POMP: variants seen among roughly 807,000 people sequenced by gnomAD.
POMP encodes proteasome maturation protein, also known as 2510048O06Rik.
In POMP, 12 loss-of-function variants were observed where a neutral mutation model predicts 20.6. That is an observed-to-expected ratio of 0.58 (90% confidence interval 0.37 to 0.94). The LOEUF is 0.94. Ranked by LOEUF, POMP falls within the 40% of genes least tolerant of loss-of-function variation. The probability of loss-of-function intolerance (pLI) is 0.01; values close to 1 mark genes in which losing one functional copy is unlikely to be tolerated. For synonymous variants in POMP, 53 were observed against 55.0 expected (o/e 0.96, Z 0.16); for missense variants, 136 against 161.1 (o/e 0.84, Z 0.84).
Position 28,678,011 on chromosome 13 carries a change from ATGTT to A in POMP, c.359-18_359-15del, listed in dbSNP as rs1454542081. 6 of 1,607,988 alleles carry A rather than the reference ATGTT, an allele frequency of 3.7e-6. No individual in the cohort carries two copies. The African/African-American group carries it at 4.0e-5, about 11-fold the overall frequency. On this transcript the variant is annotated intron_variant, in intron 5 of 5. Transcript: ENST00000380842. ...ATCTCTTTTTTGAGAGTCTTTTAAA[ATGTT>A]TGTTTTTGTTTGCTTTCAGATCCAT...
At chr13:28,671,897 A>G (rs557070196) in intron 4 of POMP, among the ~76,000 whole-genome samples, 1 of 152,274 alleles carries the variant, frequency 6.6e-6, no homozygotes, top group East Asian at 1.9e-4. Flanking sequence ...GGGCTTGGTG[A>G]CATGGACCTG....
intron 4 of POMP, among the ~76,000 whole-genome samples, chr13:28,669,873 A>G (rs1884515771): frequency 6.6e-6 from 1 of 152,144 alleles, no homozygotes; most frequent in Non-Finnish European, 1.5e-5. Context: ...TGGGAGGCCA[A>G]GGTGGGTGGA....
At chr13:28,671,481 G>A (rs1207831758) in intron 4 of POMP, among the ~76,000 whole-genome samples, 1 of 133,410 alleles carries the variant, frequency 7.5e-6, no homozygotes, top group Non-Finnish European at 1.6e-5. Context: ...CTATACTTTT[G>A]CAGTTTTGGG....
chr13:28,666,117 A>C (rs1884441305), intron 3 of POMP, among the ~76,000 whole-genome samples: 1 of 152,218 alleles, frequency 6.6e-6, no homozygotes, highest in Non-Finnish European at 1.5e-5. Flanking sequence ...AATAGACCAA[A>C]GTCTAGACCA....
chr13:28,664,907 T>G lies in POMP; in HGVS notation c.162+338T>G, dbSNP rs545161867. On this transcript the variant is annotated intron_variant, in intron 3 of 5. Transcript: ENST00000380842. ...ACTTCCAAGTTCATATCTCTAGTTTTGACCTCTTTAAGTCCTGCATCTCCG... is the reference window on the plus strand; with the variant it reads ...ACTTCCAAGTTCATATCTCTAGTTTGGACCTCTTTAAGTCCTGCATCTCCG... 2.6e-5 allele frequency among the ~76,000 whole-genome samples: 4 copies of G among 152,340 alleles called. No individual in the cohort carries two copies. The East Asian group carries it at 7.7e-4, about 29-fold the overall frequency.
rs547927337 is a variant in POMP, at chr13:28,676,218, A to G, written c.359-1817A>G. ...ATGGGGTTTCACCGTGTTAGCCAGGATGGTCTCGATCTCCTGACCTCGTGA... is the reference window on the plus strand; with the variant it reads ...ATGGGGTTTCACCGTGTTAGCCAGGGTGGTCTCGATCTCCTGACCTCGTGA... On this transcript the variant is annotated intron_variant, in intron 5 of 5. Transcript: ENST00000380842. Among the ~76,000 whole-genome samples the G allele has an allele frequency of 6.6e-5, 10 of 152,086 alleles. No individual in the cohort carries two copies. In the East Asian group the frequency reaches 1.4e-3, roughly 21 times the overall value.
intron 5 of POMP, among the ~76,000 whole-genome samples, chr13:28,673,962 G>T (rs1279816531): frequency 6.6e-6 from 1 of 152,190 alleles, no homozygotes; most frequent in Non-Finnish European, 1.5e-5. Flanking sequence ...GAATAAAAAG[G>T]ATGTTTTTGG....
intron 5 of POMP, among the ~76,000 whole-genome samples, chr13:28,674,406 G>A (rs555631780): frequency 1.3e-5 from 2 of 152,338 alleles, no homozygotes; most frequent in African/African-American, 4.8e-5. Context: ...AAACCTGCCT[G>A]TCCTGTGCTG....
intron 3 of POMP, 72 bp downstream of exon 3, chr13:28,664,641 T>G (rs1884409514): frequency 3.1e-6 from 3 of 978,224 alleles, no homozygotes; most frequent in Non-Finnish European, 4.6e-6. Context: ...GGTTTCATTT[T>G]ATTAAAACAA....
At chr13:28,675,354 G>T (rs1436178893) in intron 5 of POMP, among the ~76,000 whole-genome samples, 2 of 152,064 alleles carry the variant, frequency 1.3e-5, no homozygotes, top group Admixed American at 6.5e-5. Flanking sequence ...GGCCAAGCTG[G>T]TCTCAAATTC....
At position 28,659,158 on chromosome 13, in the gene POMP, G is replaced by A; in HGVS notation, c.-27G>A. The A allele has an allele frequency of 6.3e-7, 1 of 1,581,702 alleles. No individual in the cohort carries two copies. Among genetic ancestry groups the A allele is most frequent in the Middle Eastern group, 1.7e-4 (1 of 6,004 alleles). Reference sequence around the variant, plus strand: ...GGGGTCGACTGACGGTAACGGGGCAGAGAGGCTGTTCGCAGAGCTGCGGAA... The same window carrying A: ...GGGGTCGACTGACGGTAACGGGGCAAAGAGGCTGTTCGCAGAGCTGCGGAA... On this transcript the variant is annotated 5_prime_UTR_variant, in exon 1 of 6. Transcript: ENST00000380842.
intron 4 of POMP, among the ~76,000 whole-genome samples, chr13:28,670,915 C>CA (rs1884535271): frequency 6.6e-6 from 1 of 152,090 alleles, no homozygotes; most frequent in Admixed American, 6.5e-5. Flanking sequence ...GGCCTGGTGG[C>CA]ATGTGCCTGT....
At chr13:28,673,286 G>T (rs1011685784) in intron 5 of POMP, among the ~76,000 whole-genome samples, 2 of 152,096 alleles carry the variant, frequency 1.3e-5, no homozygotes, top group Non-Finnish European at 2.9e-5. Context: ...GGCCAGGCTG[G>T]TCTCGAACTC....
At chr13:28,673,436 A>G (rs1367315511) in intron 5 of POMP, among the ~76,000 whole-genome samples, 4 of 152,250 alleles carry the variant, frequency 2.6e-5, no homozygotes, top group African/African-American at 9.6e-5. Flanking sequence ...CAATATATGC[A>G]GCATCCTCTA....
chr13:28,662,465 C>T lies in POMP; in HGVS notation c.59C>T (p.Ser20Leu), dbSNP rs1202066024. 1 of 1,613,794 alleles carries T rather than the reference C, an allele frequency of 6.2e-7. No individual in the cohort carries two copies. The highest frequency in any genetic ancestry group is 8.5e-7 in the Non-Finnish European group (1 of 1,179,846). Reference sequence around the variant, plus strand: ...GACAGTATTCCAGTTACTGAACTTTCAGCAAGTGGACCTTTTGAAAGTCAT... The same window carrying T: ...GACAGTATTCCAGTTACTGAACTTTTAGCAAGTGGACCTTTTGAAAGTCAT... ...LKDSIPVTEL[S>L]ASGPFESHDL... The change falls in exon 2 of 6, where the codon TCA becomes TTA. Residue 20 changes from serine (S) to leucine (L), a missense_variant. Physicochemically the swap from Ser to Leu is moderately radical, Grantham distance 145. Transcript: ENST00000380842.
In POMP at chr13:28,678,023, G is replaced by C. The variant is rs372317862; in HGVS notation, c.359-12G>C. 2.2e-4 allele frequency: 355 copies of C among 1,612,526 alleles called. 6 individuals are homozygous for C. In the South Asian group the frequency reaches 3.8e-3, roughly 17 times the overall value. On this transcript the variant is annotated splice_polypyrimidine_tract_variant and intron_variant, in intron 5 of 5. Coordinates refer to ENST00000380842, the MANE Select transcript of POMP (RefSeq NM_015932.6). ...AGAGTCTTTTAAAATGTTTGTTTTT[G>C]TTTGCTTTCAGATCCATCACAAAGC...
intron 2 of POMP, among the ~76,000 whole-genome samples, chr13:28,662,727 G>A (rs1015159121): frequency 2.0e-5 from 3 of 152,230 alleles, no homozygotes; most frequent in Non-Finnish European, 2.9e-5. Flanking sequence ...CTCCTAGGCA[G>A]TGGTGCCCAT....
At chr13:28,677,690 GA>G (rs201536723) in intron 5 of POMP, among the ~76,000 whole-genome samples, 2 of 150,644 alleles carry the variant, frequency 1.3e-5, no homozygotes, top group Admixed American at 6.6e-5. Flanking sequence ...TAAGAACTTT[GA>G]AAAAAAAACT....
At position 28,659,151 on chromosome 13, in the gene POMP, C is replaced by A. The variant is rs993190902; in HGVS notation, c.-34C>A. The A allele has an allele frequency of 2.5e-6, 4 of 1,578,182 alleles. No individual in the cohort carries two copies. The African/African-American group carries it at 4.1e-5, about 16-fold the overall frequency. On this transcript the variant is annotated 5_prime_UTR_variant, in exon 1 of 6. Coordinates refer to ENST00000380842, the MANE Select transcript of POMP (RefSeq NM_015932.6). ...GAGCGGCGGGGTCGACTGACGGTAA[C>A]GGGGCAGAGAGGCTGTTCGCAGAGC... is the stretch of plus-strand genomic sequence containing the variant.
Sources: allele counts gnomAD v4.1 joint callset (sites outside exome capture counted in the v4.1 genomes callset), GRCh38; gene constraint gnomAD v4.1.1; transcripts MANE v1.5; gene names NCBI Gene and HGNC (gene_info 2026-07-23, HGNC 2026-07-21).